Variants in EXOC3L2 observed in about 807,000 individuals in gnomAD.
EXOC3L2 encodes the protein exocyst complex component 3 like 2.
EXOC3L2 carries 17 observed loss-of-function variants against 44.4 expected under a neutral mutation model. The ratio of observed to expected loss-of-function variants is 0.38; its 90% CI spans 0.26 to 0.57. EXOC3L2 has a LOEUF of 0.57. Ranked by LOEUF, EXOC3L2 falls within the 20% of genes least tolerant of loss-of-function variation. The probability of loss-of-function intolerance (pLI) is 0.65; values close to 1 mark genes in which losing one functional copy is unlikely to be tolerated. For synonymous variants in EXOC3L2, 256 were observed against 253.7 expected, an observed-to-expected ratio of 1.01 and a Z score of -0.09; for missense variants, 541 against 588.4, an observed-to-expected ratio of 0.92 and a Z score of 0.83.
intron 4 of EXOC3L2, among the ~76,000 whole-genome samples, chr19:45,230,090 T>C (rs1483146458): frequency 6.6e-6 from 1 of 151,980 alleles, no homozygotes. Flanking sequence ...AGTGGTACCA[T>C]CATGGCTCAC....
At position 45,218,202 on chromosome 19, in the gene EXOC3L2, A is replaced by C; in HGVS notation, c.1837T>G (p.Tyr613Asp). 7.7e-7 allele frequency: 1 copy of C among 1,306,336 alleles called. No homozygotes were observed. Among genetic ancestry groups the C allele is most frequent in the Non-Finnish European group, 1.0e-6 (1 of 1,000,266 alleles). 80.9% of individuals were successfully genotyped at this position (1,306,336 alleles called of 1,614,324 possible). Residue 613 changes from tyrosine to aspartate, a missense_variant, in exon 9 of 12, where the codon TAC becomes GAC. Physicochemically the swap from Tyr to Asp is radical, Grantham distance 160 (BLOSUM62 -3). Transcript: ENST00000413988. ...LALRRMQDEP[Y>D]QALVAELHRR... ...CTCCCCTCAGGCAGGTGCACCTGGT[A>C]AGGCTCGTCCTGCATTCTGCGCAGG...
Position 45,228,192 on chromosome 19 carries a change from G to A in EXOC3L2, c.1344C>T (p.Pro448=). The change falls in exon 5 of 12, where the codon CCC becomes CCT. Residue 448 remains proline (P), a synonymous_variant. Coordinates refer to ENST00000413988, the MANE Select transcript of EXOC3L2 (RefSeq NM_001382422.1). ...CACACACATCCTGGGCCAGGCTGCT[G>A]GGCTGGTCCTCCAGGCTCCCCCAGT... ...EEHWGSLEDQ[P]SSLAQDVCEL... 6.2e-7 allele frequency: 1 copy of A among 1,614,128 alleles called. No individual in the cohort carries two copies. The highest frequency in any genetic ancestry group is 2.2e-5 in the East Asian group (1 of 44,878).
chr19:45,220,121 T>C (rs11878174), intron 8 of EXOC3L2, among the ~76,000 whole-genome samples: 94,496 of 151,822 alleles, frequency 0.62, 29,923 homozygotes, highest in African/African-American at 0.74. Flanking sequence ...TGCAGTGAGC[T>C]GAGATCAAGC....
chr19:45,217,681 C>A lies in EXOC3L2; in HGVS notation c.1845G>T (p.Ala615=). ...CCCGCCGGTGTAGCTCGGCTACCAG[C>A]GCCTGGAGGCGGAGGAGGGAAACCC... is the stretch of plus-strand genomic sequence containing the variant. ...LRRMQDEPYQ[A]LVAELHRRAL... is the part of the protein sequence containing the mutation. The change falls in exon 10 of 12, where the codon GCG becomes GCT. Residue 615 remains alanine, a splice_region_variant and synonymous_variant. Transcript: ENST00000413988. 1 of 1,398,584 alleles carries A rather than the reference C, an allele frequency of 7.2e-7. No individual in the cohort carries two copies. Among genetic ancestry groups the A allele is most frequent in the Non-Finnish European group, 9.2e-7 (1 of 1,084,188 alleles). 86.6% of individuals were successfully genotyped at this position (1,398,584 alleles called of 1,614,324 possible). A position where few individuals can be genotyped will look rare whatever the true frequency, so the allele number is the denominator to read the frequency against.
At chr19:45,230,405 A>C (rs1322158097) in intron 4 of EXOC3L2, among the ~76,000 whole-genome samples, 1 of 152,074 alleles carries the variant, frequency 6.6e-6, no homozygotes, top group Non-Finnish European at 1.5e-5. Context: ...TTTTTACTAG[A>C]GACGGGGTTT....
rs138431712 is a variant in EXOC3L2 at position 45,228,020 on chromosome 19, G to A, written c.1426C>T (p.Arg476Trp). The A allele has an allele frequency of 1.9e-5, 30 of 1,613,900 alleles. No individual in the cohort carries two copies. The highest frequency in any genetic ancestry group is 1.7e-4 in the Middle Eastern group (1 of 6,060). ...APRISQEFGE[R>W]MAHCCLGGLA... is the part of the protein sequence containing the mutation. The stretch of plus-strand genomic sequence containing the variant: ...CCGCCTAGGCAGCAGTGGGCCATCC[G>A]CTCCCCAAACTCCTGGCTGATGCGG... Residue 476 changes from arginine to tryptophan, a missense_variant, in exon 6 of 12, where the codon CGG becomes TGG. Physicochemically the swap from Arg to Trp is moderately radical, Grantham distance 101. Coordinates refer to ENST00000413988, the MANE Select transcript of EXOC3L2 (RefSeq NM_001382422.1).
At chr19:45,240,254 A>G (rs1970120197) in intron 1 of EXOC3L2, among the ~76,000 whole-genome samples, 1 of 151,532 alleles carries the variant, frequency 6.6e-6, no homozygotes, top group South Asian at 2.1e-4. Flanking sequence ...ACAGGTGTGT[A>G]CCACCATGCC....
At chr19:45,214,208 C>T (rs1364632170) in intron 11 of EXOC3L2, among the ~76,000 whole-genome samples, 1 of 152,150 alleles carries the variant, frequency 6.6e-6, no homozygotes, top group Non-Finnish European at 1.5e-5. Context: ...ACCTTATCCC[C>T]CAGAATCAGA....
In EXOC3L2 at chr19:45,222,201, C is replaced by CT. The variant is rs60929770; in HGVS notation, c.1719+2576dup. On this transcript the variant is annotated intron_variant, in intron 8 of 11. Coordinates refer to ENST00000413988, the MANE Select transcript of EXOC3L2 (RefSeq NM_001382422.1). Reference sequence around the variant, plus strand: ...GTCTCTAGCTGGTTGTTTTTCTCTCCTTTTTTTTTTTTTTTTGAGACGGAG... The same window carrying CT: ...GTCTCTAGCTGGTTGTTTTTCTCTCCTTTTTTTTTTTTTTTTTGAGACGGAG... 6.9e-3 allele frequency among the ~76,000 whole-genome samples: 950 copies of CT among 137,192 alleles called. 8 individuals are homozygous for CT. Among genetic ancestry groups the CT allele is most frequent in the Middle Eastern group, 0.015 (4 of 266 alleles). 90.0% of individuals were successfully genotyped at this position (137,192 alleles called of 152,430 possible). A position where few individuals can be genotyped will look rare whatever the true frequency, so the allele number is the denominator to read the frequency against.
chr19:45,231,235 C>T (rs1038782072), intron 4 of EXOC3L2, among the ~76,000 whole-genome samples: 2 of 152,200 alleles, frequency 1.3e-5, no homozygotes, highest in Admixed American at 6.5e-5. Flanking sequence ...TCACTGTAGC[C>T]GGGGACGGCG....
intron 6 of EXOC3L2, 44 bp downstream of exon 6, chr19:45,227,930 C>A: frequency 6.3e-7 from 1 of 1,592,320 alleles, no homozygotes; most frequent in Non-Finnish European, 8.6e-7. Context: ...GGCCCTGATG[C>A]CCAACCCCCA....
At chr19:45,220,594 T>C (rs1181513320) in intron 8 of EXOC3L2, among the ~76,000 whole-genome samples, 2 of 151,900 alleles carry the variant, frequency 1.3e-5, no homozygotes, top group Non-Finnish European at 2.9e-5. Context: ...AGTGTGTGTT[T>C]TGGGGGTGAG....
chr19:45,230,211 TTTTTG>T (rs1026602446), intron 4 of EXOC3L2, among the ~76,000 whole-genome samples: 2 of 151,658 alleles, frequency 1.3e-5, no homozygotes, highest in African/African-American at 4.8e-5. Flanking sequence ...TTACAAAACA[TTTTTG>T]TTTTGTTTTG....
intron 1 of EXOC3L2, among the ~76,000 whole-genome samples, chr19:45,244,072 AG>A (rs374175525): frequency 2.6e-5 from 4 of 151,814 alleles, no homozygotes; most frequent in African/African-American, 9.7e-5. Flanking sequence ...TACAAGTGCA[AG>A]TCACCACACC....
At chr19:45,233,242 A>AATAG (rs1233696711) in intron 3 of EXOC3L2, among the ~76,000 whole-genome samples, 2 of 152,070 alleles carry the variant, frequency 1.3e-5, no homozygotes, top group African/African-American at 4.8e-5. Flanking sequence ...TAAATAAATA[A>AATAG]CGTCCTAAAA....
intron 10 of EXOC3L2, 56 bp downstream of exon 10, chr19:45,217,472 G>A: frequency 1.4e-6 from 2 of 1,477,036 alleles, no homozygotes; most frequent in South Asian, 1.3e-5. Flanking sequence ...GAGATTCTCG[G>A]AAGCCAAGCC....
intron 10 of EXOC3L2, 35 bp from the exon 11 acceptor site, chr19:45,216,229 C>T: frequency 6.2e-7 from 1 of 1,607,826 alleles, no homozygotes. Flanking sequence ...TCACACCCTC[C>T]CAAGATTGAC....
chr19:45,222,190 G>C (rs346757), intron 8 of EXOC3L2, among the ~76,000 whole-genome samples: 34,570 of 148,200 alleles, frequency 0.23, 7,144 homozygotes, highest in African/African-American at 0.56. Context: ...CTAGCTGGTT[G>C]TTTTTCTCTC....
intron 8 of EXOC3L2, among the ~76,000 whole-genome samples, chr19:45,221,027 G>A (rs1156237552): frequency 7.0e-6 from 1 of 143,082 alleles, no homozygotes; most frequent in Non-Finnish European, 1.5e-5. Flanking sequence ...GTCTCTCCCT[G>A]AGACAGGGGC....
Sources: allele counts gnomAD v4.1 joint callset (sites outside exome capture counted in the v4.1 genomes callset), GRCh38; gene constraint gnomAD v4.1.1; transcripts MANE v1.5; gene names NCBI Gene and HGNC (gene_info 2026-07-23, HGNC 2026-07-21).